MEGF10: variants seen among roughly 807,000 people sequenced by gnomAD.
The protein encoded by MEGF10 is multiple EGF like domains 10.
Under a neutral mutation model 147.5 loss-of-function variants are expected in MEGF10, and 86 were observed. The ratio of observed to expected loss-of-function variants is 0.58; its 90% CI spans 0.49 to 0.70. The LOEUF is 0.70. Ranked by LOEUF, MEGF10 falls within the 30% of genes least tolerant of loss-of-function variation. The probability of loss-of-function intolerance (pLI) is 0.00; values close to 1 mark genes in which losing one functional copy is unlikely to be tolerated. For synonymous variants in MEGF10, 478 were observed against 525.5 expected, an observed-to-expected ratio of 0.91 and a Z score of 1.24; for missense variants, 1,329 against 1,487.3, an observed-to-expected ratio of 0.89 and a Z score of 1.75.
At chr5:127,351,449 A>G (rs576148960) in intron 4 of MEGF10, among the ~76,000 whole-genome samples, 2 of 152,298 alleles carry the variant, frequency 1.3e-5, no homozygotes, top group Non-Finnish European at 2.9e-5. Flanking sequence ...ATTACATTTT[A>G]CTATATTAAT....
chr5:127,409,259 C>T (rs1039231838), intron 8 of MEGF10, among the ~76,000 whole-genome samples: 2 of 152,210 alleles, frequency 1.3e-5, no homozygotes, highest in Non-Finnish European at 2.9e-5. Context: ...CCTTACTGCT[C>T]ACATGATACA....
At chr5:127,435,525 T>A in intron 16 of MEGF10, 36 bp downstream of exon 16, 1 of 1,583,136 alleles carries the variant, frequency 6.3e-7, no homozygotes. Context: ...TAAACTGTTC[T>A]TATTTGTTTG....
chr5:127,229,355 G>C, the MEGF10 span: 6 of 152,210 alleles, frequency 3.9e-5, no homozygotes, highest in Non-Finnish European at 5.9e-5. Flanking sequence ...GTTCCCGCCC[G>C]GGCCCGCCGC....
At chr5:127,256,074 G>A in the MEGF10 span, among the ~76,000 whole-genome samples, 2 of 152,144 alleles carry the variant, frequency 1.3e-5, no homozygotes, top group Non-Finnish European at 2.9e-5. Context: ...GGGCTCCCAT[G>A]ACTGCCCTAA....
At chr5:127,433,763 C>T (rs540811478) in intron 14 of MEGF10, among the ~76,000 whole-genome samples, 29 of 152,320 alleles carry the variant, frequency 1.9e-4, no homozygotes, top group Admixed American at 5.9e-4. Context: ...GCCTCATTGG[C>T]ACAACCATCA....
chr5:127,261,413 T>C, the MEGF10 span, among the ~76,000 whole-genome samples: 1 of 152,226 alleles, frequency 6.6e-6, no homozygotes, highest in Admixed American at 6.5e-5. Context: ...GTGTTATGGT[T>C]CATTCATTCT....
At position 127,419,109 on chromosome 5, in the gene MEGF10, T is replaced by C; in HGVS notation, c.1306-11T>C. On this transcript the variant is annotated splice_polypyrimidine_tract_variant and intron_variant, in intron 10 of 24. Transcript: ENST00000503335. ...AAAATTGAATGCATTTTGCTACTTG[T>C]GCCTGTCTAGGGAATTGACTGCTCT... 3.1e-6 allele frequency: 5 copies of C among 1,595,652 alleles called. No homozygotes were observed. Among genetic ancestry groups the C allele is most frequent in the South Asian group, 2.3e-5 (2 of 86,846 alleles).
At chr5:127,347,979 A>G (rs1370683511) in intron 4 of MEGF10, among the ~76,000 whole-genome samples, 1 of 152,264 alleles carries the variant, frequency 6.6e-6, no homozygotes, top group African/African-American at 2.4e-5. Context: ...TTGCATGTAC[A>G]GTATTAACTA....
the MEGF10 span, among the ~76,000 whole-genome samples, chr5:127,238,935 A>C: frequency 6.6e-6 from 1 of 152,108 alleles, no homozygotes; most frequent in Non-Finnish European, 1.5e-5. Context: ...TGAAAGAATC[A>C]TCATCAGTAA....
chr5:127,288,455 G>A (rs562320789), upstream of MEGF10, among the ~76,000 whole-genome samples: 71 of 152,182 alleles, frequency 4.7e-4, no homozygotes, highest in Middle Eastern at 3.4e-3. Flanking sequence ...AAGAACAGGT[G>A]GCATGAGAGC....
chr5:127,263,310 G>GGT, the MEGF10 span, among the ~76,000 whole-genome samples: 226 of 149,444 alleles, frequency 1.5e-3, 3 homozygotes, highest in African/African-American at 5.3e-3. Flanking sequence ...GGATTCTCGG[G>GGT]GGGGGGGTAA....
chr5:127,396,122 C>G (rs1763900504), intron 5 of MEGF10, among the ~76,000 whole-genome samples: 1 of 152,122 alleles, frequency 6.6e-6, no homozygotes, highest in Admixed American at 6.5e-5. Flanking sequence ...AGATGCAATC[C>G]AAACCCCTTA....
the MEGF10 span, among the ~76,000 whole-genome samples, chr5:127,280,491 G>A: frequency 2.0e-5 from 3 of 152,194 alleles, no homozygotes; most frequent in Admixed American, 6.5e-5. Flanking sequence ...CCCCCATCAA[G>A]TTGTGTGCTC....
intron 2 of MEGF10, among the ~76,000 whole-genome samples, chr5:127,334,340 G>A (rs1761384835): frequency 6.6e-6 from 1 of 152,044 alleles, no homozygotes; most frequent in South Asian, 2.1e-4. Flanking sequence ...GCTGAGGCAT[G>A]AACTTGTTAG....
the MEGF10 span, among the ~76,000 whole-genome samples, chr5:127,281,876 C>T: frequency 6.6e-6 from 1 of 152,230 alleles, no homozygotes; most frequent in Non-Finnish European, 1.5e-5. Flanking sequence ...TGTGCTCCTC[C>T]ACTAGCAGGC....
chr5:127,382,398 T>A (rs1580791963), intron 5 of MEGF10, among the ~76,000 whole-genome samples: 1 of 152,210 alleles, frequency 6.6e-6, no homozygotes. Context: ...TATTTTTGCA[T>A]AAAACTAGTG....
intron 9 of MEGF10, among the ~76,000 whole-genome samples, chr5:127,412,842 G>T (rs1418614881): frequency 6.6e-6 from 1 of 152,182 alleles, no homozygotes; most frequent in African/African-American, 2.4e-5. Flanking sequence ...TCAACTGGAG[G>T]CTAATTGGTC....
At chr5:127,394,079 A>C (rs1561616953) in intron 5 of MEGF10, among the ~76,000 whole-genome samples, 1 of 152,216 alleles carries the variant, frequency 6.6e-6, no homozygotes, top group Non-Finnish European at 1.5e-5. Flanking sequence ...CGTGATTTTT[A>C]AAAGTGTTTT....
chr5:127,288,078 A>G (rs1759086167), upstream of MEGF10, among the ~76,000 whole-genome samples: 1 of 152,100 alleles, frequency 6.6e-6, no homozygotes, highest in Non-Finnish European at 1.5e-5. Flanking sequence ...CCCTTACTTC[A>G]TACCATACAC....
Sources: allele counts gnomAD v4.1 joint callset (sites outside exome capture counted in the v4.1 genomes callset), GRCh38; gene constraint gnomAD v4.1.1; transcripts MANE v1.5; gene names NCBI Gene and HGNC (gene_info 2026-07-23, HGNC 2026-07-21).